Variants in ANTXR1 observed in about 807,000 individuals in gnomAD.
ANTXR1 encodes anthrax toxin receptor 1.
In ANTXR1, 19 loss-of-function variants were observed where a neutral mutation model predicts 78.1. That is an observed-to-expected ratio of 0.24 (90% CI 0.17 to 0.36). The LOEUF (loss-of-function observed/expected upper bound fraction) is 0.36, where lower values mean the gene tolerates loss of function less well. ANTXR1 is among the 10% of genes least tolerant of loss of function. The pLI is 1.00. For missense variants in ANTXR1, 518 were observed against 718.6 expected (o/e 0.72, Z 3.19); for synonymous variants, 273 against 260.5 (o/e 1.05, Z -0.46).
chr2:69,223,160 C>T (rs1169942125), intron 17 of ANTXR1, among the ~76,000 whole-genome samples: 3 of 152,190 alleles, frequency 2.0e-5, no homozygotes, highest in Non-Finnish European at 4.4e-5. Flanking sequence ...TGCAGGCTGG[C>T]AGATGGCCCA....
In ANTXR1 at chr2:69,070,688, T is replaced by C; in HGVS notation, c.338T>C (p.Leu113Pro). Residue 113 changes from leucine to proline, a missense_variant, in exon 4 of 18, where the codon CTG becomes CCG. By Grantham distance (98) the Leu-to-Pro change is moderately conservative. Around this residue, in one of 5 missense-constraint regions of ANTXR1, gnomAD observed 264 missense variants for 391.8 expected, o/e 0.67. Transcript: ENST00000303714. ...GGCCTAGAAGAACTCCAGAAAGTTC[T>C]GCCAGGAGGAGACACTTACATGCAT... is the stretch of plus-strand genomic sequence containing the variant. ...RQGLEELQKV[L>P]PGGDTYMHEG... is the part of the protein sequence containing the mutation. The C allele has an allele frequency of 6.2e-7, 1 of 1,614,200 alleles. No homozygotes were observed. Among genetic ancestry groups the C allele is most frequent in the Non-Finnish European group, 8.5e-7 (1 of 1,180,022 alleles).
intron 17 of ANTXR1, among the ~76,000 whole-genome samples, chr2:69,210,441 AT>A (rs1675013324): frequency 6.6e-6 from 1 of 152,174 alleles, no homozygotes; most frequent in Non-Finnish European, 1.5e-5. Flanking sequence ...AACCAAAATG[AT>A]TTTATTCTTT....
chr2:69,099,812 G>C (rs1671552522), intron 9 of ANTXR1, among the ~76,000 whole-genome samples: 1 of 152,128 alleles, frequency 6.6e-6, no homozygotes, highest in Non-Finnish European at 1.5e-5. Context: ...TCTATGCCAA[G>C]ATATGTTATT....
At chr2:69,178,650 C>T (rs1400894704) in intron 14 of ANTXR1, among the ~76,000 whole-genome samples, 1 of 152,192 alleles carries the variant, frequency 6.6e-6, no homozygotes, top group Non-Finnish European at 1.5e-5. Context: ...GGGAAACCGG[C>T]TTCATGCATC....
chr2:69,052,906 G>A (rs1201043669), intron 3 of ANTXR1, among the ~76,000 whole-genome samples: 1 of 151,824 alleles, frequency 6.6e-6, no homozygotes, highest in Non-Finnish European at 1.5e-5. Context: ...TGCTTCCATT[G>A]CATTTTTCAA....
At chr2:69,191,068 T>C (rs1280388093) in intron 16 of ANTXR1, among the ~76,000 whole-genome samples, 1 of 152,194 alleles carries the variant, frequency 6.6e-6, no homozygotes, top group Admixed American at 6.5e-5. Flanking sequence ...TATAAATGCT[T>C]ATCCAAAAGA....
intron 17 of ANTXR1, among the ~76,000 whole-genome samples, chr2:69,210,241 C>G (rs1003638098): frequency 6.6e-6 from 1 of 152,206 alleles, no homozygotes; most frequent in Admixed American, 6.5e-5. Flanking sequence ...TCTGTTCACC[C>G]CGTAATAATG....
chr2:69,013,706 C>T lies in ANTXR1; in HGVS notation c.152+55C>T, dbSNP rs1359321775. 4 of 1,550,962 alleles carry T rather than the reference C, an allele frequency of 2.6e-6. No homozygotes were observed. Among genetic ancestry groups the T allele is most frequent in the Non-Finnish European group, 1.7e-6 (2 of 1,146,634 alleles). ...CAGGCTAAGCGGGCGAAAACGCTTT[C>T]GCCCCGGGCCGGGCTCGTTGGCAGG... On this transcript the variant is annotated intron_variant, in intron 1 of 17. Transcript: ENST00000303714. This position sits in a 1 kb window ranked among gnomAD's most constrained non-coding sequence, Gnocchi z 5.0.
chr2:69,052,800 C>G (rs1400959413), intron 3 of ANTXR1, among the ~76,000 whole-genome samples: 1 of 151,928 alleles, frequency 6.6e-6, no homozygotes, highest in East Asian at 1.9e-4. Flanking sequence ...TTTTTGACAT[C>G]TGAGAGAATG....
intron 17 of ANTXR1, among the ~76,000 whole-genome samples, chr2:69,194,990 A>C (rs896585749): frequency 2.0e-5 from 3 of 152,094 alleles, no homozygotes; most frequent in Admixed American, 2.0e-4. Flanking sequence ...CAACATAGTG[A>C]AATCCTGTCT....
intron 17 of ANTXR1, among the ~76,000 whole-genome samples, chr2:69,219,412 CACACACACA>C (rs1213192605): frequency 2.6e-5 from 4 of 151,832 alleles, no homozygotes; most frequent in African/African-American, 4.8e-5. Flanking sequence ...CACACACACA[CACACACACA>C]CCCTACTGAT....
intron 17 of ANTXR1, among the ~76,000 whole-genome samples, chr2:69,199,871 C>G (rs1385834101): frequency 4.6e-5 from 7 of 152,236 alleles, no homozygotes; most frequent in Admixed American, 4.6e-4. Flanking sequence ...CTTCAGAAAC[C>G]CCAAGAGTAA....
intron 13 of ANTXR1, among the ~76,000 whole-genome samples, chr2:69,163,672 A>C (rs555165307): frequency 6.6e-6 from 1 of 152,308 alleles, no homozygotes; most frequent in South Asian, 2.1e-4. Context: ...GTTTTTAATG[A>C]GGAAAAGAAC....
intron 9 of ANTXR1, among the ~76,000 whole-genome samples, chr2:69,099,503 T>G (rs1228100936): frequency 9.2e-5 from 14 of 152,214 alleles, no homozygotes; most frequent in Admixed American, 8.5e-4. Flanking sequence ...GTGTTTAACT[T>G]TGTAGAAGAA....
chr2:69,110,538 A>C (rs1671943985), intron 10 of ANTXR1, among the ~76,000 whole-genome samples: 1 of 152,196 alleles, frequency 6.6e-6, no homozygotes, highest in African/African-American at 2.4e-5. Context: ...GAATGTTAAT[A>C]ATATGGCAAA....
At chr2:69,125,513 A>G (rs1249898490) in intron 12 of ANTXR1, among the ~76,000 whole-genome samples, 2 of 152,146 alleles carry the variant, frequency 1.3e-5, no homozygotes, top group Non-Finnish European at 2.9e-5. Flanking sequence ...TCAGCCTGTC[A>G]GGGGGCAGTC....
intron 16 of ANTXR1, among the ~76,000 whole-genome samples, chr2:69,190,930 T>C (rs946234126): frequency 6.6e-6 from 1 of 152,214 alleles, no homozygotes; most frequent in African/African-American, 2.4e-5. Flanking sequence ...GTTGGGTGAT[T>C]AGCACACACA....
At chr2:69,245,155 C>T in intron 17 of ANTXR1, 70 bp from the exon 18 acceptor site, 2 of 1,588,916 alleles carry the variant, frequency 1.3e-6, no homozygotes, top group Admixed American at 1.7e-5. Flanking sequence ...TGCAAGCCGC[C>T]CACCACAGCA....
intron 10 of ANTXR1, among the ~76,000 whole-genome samples, chr2:69,110,712 T>A (rs11678342): frequency 0.92 from 139,311 of 152,062 alleles, 63,975 homozygotes; most frequent in East Asian, 0.98. Flanking sequence ...TAGAAAAAAA[T>A]TCAGCCAGGC....
Sources: allele counts gnomAD v4.1 joint callset (sites outside exome capture counted in the v4.1 genomes callset), GRCh38; gene constraint gnomAD v4.1.1; regional missense constraint gnomAD v4.1.1; non-coding constraint Gnocchi (gnomAD v3.1); transcripts MANE v1.5; gene names NCBI Gene and HGNC (gene_info 2026-07-23, HGNC 2026-07-21).